MTERF3: variants seen among roughly 807,000 people sequenced by gnomAD.
The protein encoded by MTERF3 is transcription termination factor 3, mitochondrial.
Under a neutral mutation model 40.5 loss-of-function variants are expected in MTERF3, and 40 were observed. The observed-to-expected ratio is 0.99, with a 90% CI of 0.77 to 1.29. The LOEUF (loss-of-function observed/expected upper bound fraction) is 1.29, where lower values mean the gene tolerates loss of function less well. MTERF3 is among the 50% of genes most tolerant of loss of function. MTERF3 has a pLI of 0.00. For missense variants in MTERF3, 452 were observed against 478.2 expected (o/e 0.95, Z 0.51); for synonymous variants, 158 against 166.6 (o/e 0.95, Z 0.40).
intron 3 of MTERF3, among the ~76,000 whole-genome samples, chr8:96,255,585 T>G (rs1191889345): frequency 6.8e-6 from 1 of 147,860 alleles, no homozygotes; most frequent in African/African-American, 2.5e-5. Context: ...TGCAGTGAGC[T>G]GAGATGGTAC....
rs1170673057 is a variant in MTERF3, at chr8:96,251,016, C to T, written c.567G>A (p.Lys189=). 6.2e-7 allele frequency: 1 copy of T among 1,604,920 alleles called. No homozygotes were observed. Among genetic ancestry groups the T allele is most frequent in the Admixed American group, 1.7e-5 (1 of 57,444 alleles). ...LLRLDFEKDI[K]QMLLFLKDVG... ...CATCTTTAAGAAACAGAAGCATTTG[C>T]TTAATGTCTTTTTCAAAATCCAGTC... The change falls in exon 4 of 8, where the codon AAG becomes AAA. Residue 189 remains lysine (K), a synonymous_variant. Coordinates refer to ENST00000287025, the MANE Select transcript of MTERF3 (RefSeq NM_015942.5).
At chr8:96,252,858 T>C (rs1019526610) in intron 3 of MTERF3, among the ~76,000 whole-genome samples, 5 of 152,228 alleles carry the variant, frequency 3.3e-5, no homozygotes, top group African/African-American at 1.2e-4. Flanking sequence ...GAAAAGCTGC[T>C]TTTTAACAGC....
In MTERF3 at chr8:96,258,641, A is replaced by G; in HGVS notation, c.50T>C (p.Leu17Ser). 2 of 1,613,928 alleles carry G rather than the reference A, an allele frequency of 1.2e-6. No individual in the cohort carries two copies. Among genetic ancestry groups the G allele is most frequent in the Non-Finnish European group, 1.7e-6 (2 of 1,179,776 alleles). The change falls in exon 2 of 8, where the codon TTG (leucine) becomes TCG (serine). Residue 17 changes from leucine to serine, a missense_variant. Leu to Ser is a moderately radical substitution (Grantham distance 145). Coordinates refer to ENST00000287025, the MANE Select transcript of MTERF3 (RefSeq NM_015942.5). ...TTGTGCAGCATTAATGAGGCTCCTC[A>G]ACTTAACTGAGTTAAACCATCTGGG... ...QIPRWFNSVK[L>S]RSLINAAQLT...
intron 1 of MTERF3, among the ~76,000 whole-genome samples, chr8:96,259,240 T>C (rs1810337013): frequency 1.3e-5 from 2 of 152,228 alleles, no homozygotes; most frequent in East Asian, 3.8e-4. Context: ...TTATCATTGA[T>C]ATACAGAACA....
At chr8:96,250,594 C>T (rs1228248646) in intron 4 of MTERF3, among the ~76,000 whole-genome samples, 1 of 112,134 alleles carries the variant, frequency 8.9e-6, no homozygotes, top group Admixed American at 1.1e-4. Flanking sequence ...TGTAGTCACC[C>T]AGCTACTTGG....
chr8:96,255,139 C>T (rs1193486469), intron 3 of MTERF3, among the ~76,000 whole-genome samples: 1 of 152,148 alleles, frequency 6.6e-6, no homozygotes, highest in Non-Finnish European at 1.5e-5. Context: ...AGCACTAACA[C>T]TGGAAAGATA....
intron 3 of MTERF3, among the ~76,000 whole-genome samples, chr8:96,254,242 A>C (rs958278560): frequency 6.6e-6 from 1 of 152,216 alleles, no homozygotes; most frequent in Non-Finnish European, 1.5e-5. Context: ...TAATTAACAT[A>C]TTCATTACCT....
At chr8:96,255,864 G>A (rs974568881) in intron 3 of MTERF3, among the ~76,000 whole-genome samples, 8 of 152,266 alleles carry the variant, frequency 5.3e-5, no homozygotes, top group African/African-American at 1.7e-4. Flanking sequence ...GGAGAAAGAC[G>A]ACACTGAAAT....
chr8:96,248,106 T>G (rs1810055955), intron 4 of MTERF3, among the ~76,000 whole-genome samples: 1 of 152,248 alleles, frequency 6.6e-6, no homozygotes, highest in African/African-American at 2.4e-5. Context: ...AGCTGGCACT[T>G]CTGTACACTG....
intron 2 of MTERF3, 184 bp downstream of exon 2, chr8:96,258,173 C>T: frequency 4.4e-6 from 4 of 911,070 alleles, no homozygotes; most frequent in Admixed American, 6.2e-5. Flanking sequence ...CACGTTAGCC[C>T]ACAAACTTTT....
At position 96,242,451 on chromosome 8, in the gene MTERF3, G is replaced by A. The variant is rs1175452973; in HGVS notation, c.1059+1468C>T. Among the ~76,000 whole-genome samples, 4 of 152,296 alleles carry A rather than the reference G, an allele frequency of 2.6e-5. No individual in the cohort carries two copies. The East Asian group carries it at 7.7e-4, about 29-fold the overall frequency. On this transcript the variant is annotated intron_variant, in intron 7 of 7. Coordinates refer to ENST00000287025, the MANE Select transcript of MTERF3 (RefSeq NM_015942.5). ...TACTTCTAGCAGATCCTAGTAAAGG[G>A]CTTGGGTTTTTAAACTGGACTGTTG...
rs771292484 is a variant in MTERF3, at chr8:96,258,602, A to G, written c.89T>C (p.Phe30Ser). ...LINAAQLTKRFTRPARTLLHG... is the reference protein window; with the variant it reads ...LINAAQLTKRSTRPARTLLHG... The stretch of plus-strand genomic sequence containing the variant: ...TAACAGTGTTCTTGCTGGTCTAGTA[A>G]AACGTTTTGTGAGTTGTGCAGCATT... The change falls in exon 2 of 8, where the codon TTT becomes TCT. Residue 30 changes from phenylalanine to serine, a missense_variant. Phe to Ser is a radical substitution (Grantham distance 155). Coordinates refer to ENST00000287025, the MANE Select transcript of MTERF3 (RefSeq NM_015942.5). The G allele has an allele frequency of 8.7e-6, 14 of 1,614,158 alleles. No homozygotes were observed. The highest frequency in any genetic ancestry group is 1.0e-5 in the Non-Finnish European group (12 of 1,179,998).
Position 96,244,006 on chromosome 8 carries a change from A to G in MTERF3, c.972T>C (p.Thr324=), listed in dbSNP as rs781395565. ...HMITRIPKML[T]ANKMKLTETF... ...TCTCGGTAAGTTTCATTTTATTTGC[A>G]GTTAACATCTTTGGGATTCTGGTGA... The change falls in exon 7 of 8, where the codon ACT becomes ACC. Residue 324 remains threonine (T), a synonymous_variant. Transcript: ENST00000287025. 6.2e-7 allele frequency: 1 copy of G among 1,613,998 alleles called. No homozygotes were observed. Among genetic ancestry groups the G allele is most frequent in the Non-Finnish European group, 8.5e-7 (1 of 1,179,838 alleles).
intron 4 of MTERF3, among the ~76,000 whole-genome samples, chr8:96,248,144 C>A (rs894355481): frequency 7.9e-5 from 12 of 152,190 alleles, no homozygotes; most frequent in Admixed American, 3.3e-4. Context: ...TGGAAAACAA[C>A]CCCTATGAAG....
chr8:96,247,918 A>G (rs1586165939), intron 4 of MTERF3, among the ~76,000 whole-genome samples: 1 of 152,248 alleles, frequency 6.6e-6, no homozygotes, highest in South Asian at 2.1e-4. Context: ...AAAAATAGCA[A>G]AGGATATATT....
chr8:96,250,622 A>AGAG (rs1563548620), intron 4 of MTERF3, among the ~76,000 whole-genome samples: 3 of 12,368 alleles, frequency 2.4e-4, no homozygotes, highest in Non-Finnish European at 1.7e-4. Flanking sequence ...AGGCAGAAGA[A>AGAG]GAAGAAGAAG....
intron 4 of MTERF3, among the ~76,000 whole-genome samples, chr8:96,249,051 C>T (rs780553623): frequency 3.3e-5 from 5 of 152,158 alleles, no homozygotes; most frequent in East Asian, 3.8e-4. Flanking sequence ...ATGCTACCGA[C>T]GTGAGAATAT....
chr8:96,247,237 T>G (rs1810038226), intron 4 of MTERF3, among the ~76,000 whole-genome samples: 1 of 152,180 alleles, frequency 6.6e-6, no homozygotes, highest in South Asian at 2.1e-4. Context: ...CCTCCCAAAG[T>G]GCTGGGATTA....
intron 1 of MTERF3, among the ~76,000 whole-genome samples, chr8:96,260,497 T>A (rs1026443068): frequency 2.0e-5 from 3 of 152,164 alleles, no homozygotes; most frequent in Non-Finnish European, 2.9e-5. Context: ...AATGCTTTTT[T>A]AAAAGGCTAG....
Sources: allele counts gnomAD v4.1 joint callset (sites outside exome capture counted in the v4.1 genomes callset), GRCh38; gene constraint gnomAD v4.1.1; transcripts MANE v1.5; gene names NCBI Gene and HGNC (gene_info 2026-07-23, HGNC 2026-07-21).